Variants in FGF14 observed in about 807,000 individuals in gnomAD.
FGF14 encodes the protein fibroblast growth factor 14, also known as fibroblast growth factor homologous factor 4.
Under a neutral mutation model 25.5 loss-of-function variants are expected in FGF14, and 5 were observed. That is an observed-to-expected ratio of 0.20 (90% confidence interval 0.10 to 0.41). The LOEUF (loss-of-function observed/expected upper bound fraction) is 0.41, where lower values mean the gene tolerates loss of function less well. Ranked by LOEUF, FGF14 falls within the 10% of genes least tolerant of loss-of-function variation. The pLI is 1.00. For missense variants in FGF14, 222 were observed against 320.1 expected, an observed-to-expected ratio of 0.69 and a Z score of 2.34; for synonymous variants, 138 against 118.3, an observed-to-expected ratio of 1.17 and a Z score of -1.08.
chr13:101,731,308 C>T (rs975770467), intron 3 of FGF14, among the ~76,000 whole-genome samples: 1 of 152,084 alleles, frequency 6.6e-6, no homozygotes, highest in Admixed American at 6.6e-5. Flanking sequence ...AAAACGAGAT[C>T]GATAAGGAGT....
intron 1 of FGF14, among the ~76,000 whole-genome samples, chr13:102,273,153 A>C (rs4771423): frequency 0.78 from 118,356 of 151,700 alleles, 47,135 homozygotes; most frequent in African/African-American, 0.95. Flanking sequence ...ATTATTTTGA[A>C]AAAAAGGTAG....
intron 3 of FGF14, among the ~76,000 whole-genome samples, chr13:101,793,647 AC>A (rs1428897811): frequency 1.3e-5 from 2 of 151,932 alleles, no homozygotes; most frequent in Non-Finnish European, 2.9e-5. Context: ...TATTTGAGGA[AC>A]CTCCATACAA....
At chr13:102,035,277 T>C (rs2041415068) in intron 1 of FGF14, among the ~76,000 whole-genome samples, 1 of 152,104 alleles carries the variant, frequency 6.6e-6, no homozygotes, top group African/African-American at 2.4e-5. Flanking sequence ...ATGACTCTCT[T>C]TTTGTATTTA....
At chr13:102,000,331 A>AAAAAC (rs1439440820) in intron 1 of FGF14, among the ~76,000 whole-genome samples, 2 of 151,996 alleles carry the variant, frequency 1.3e-5, no homozygotes, top group African/African-American at 4.8e-5. Flanking sequence ...AAACAAAAAC[A>AAAAAC]AAAAAAATCT....
At chr13:101,857,930 T>G (rs1487824400) in intron 3 of FGF14, among the ~76,000 whole-genome samples, 1 of 152,020 alleles carries the variant, frequency 6.6e-6, no homozygotes, top group Non-Finnish European at 1.5e-5. Flanking sequence ...ATTTTGCCAA[T>G]TTTTAGTATA....
At chr13:102,000,984 A>T (rs1159508558) in intron 1 of FGF14, among the ~76,000 whole-genome samples, 5 of 152,198 alleles carry the variant, frequency 3.3e-5, no homozygotes. Context: ...AGACTAGAAC[A>T]AAAGTTCAAG....
chr13:102,161,569 G>GTC (rs372861912), intron 1 of FGF14, among the ~76,000 whole-genome samples: 404 of 18,118 alleles, frequency 0.022, no homozygotes, highest in African/African-American at 0.2. Context: ...TTTCTGTGAA[G>GTC]AAAGAAAGAA....
chr13:102,250,606 T>C (rs988454537), intron 1 of FGF14, among the ~76,000 whole-genome samples: 1 of 152,200 alleles, frequency 6.6e-6, no homozygotes, highest in Admixed American at 6.6e-5. Flanking sequence ...CGGTGCATTT[T>C]GCTATATTAA....
chr13:102,130,233 T>G (rs1447443882), intron 1 of FGF14, among the ~76,000 whole-genome samples: 1 of 152,062 alleles, frequency 6.6e-6, no homozygotes, highest in Admixed American at 6.6e-5. Context: ...ACTGGCAAAG[T>G]GGAGGTAAAT....
At chr13:102,401,976 G>T (rs1270684961), upstream of FGF14, among the ~76,000 whole-genome samples, 1 of 148,546 alleles carries the variant, frequency 6.7e-6, no homozygotes, top group Admixed American at 6.8e-5. Flanking sequence ...AGGATGGGTG[G>T]ATCTGCAGAA....
intron 1 of FGF14, among the ~76,000 whole-genome samples, chr13:102,131,577 G>C (rs1255063412): frequency 3.9e-5 from 6 of 152,068 alleles, no homozygotes; most frequent in African/African-American, 1.4e-4. Flanking sequence ...TTTTCTCTAA[G>C]CCATTTCAAT....
rs1228393774 is a variant in FGF14, at chr13:102,300,928, C to CACACAG, written c.208+100542_208+100543insCTGTGT. On this transcript the variant is annotated intron_variant, in intron 1 of 4. Coordinates refer to the FGF14 transcript ENST00000376131. The stretch of plus-strand genomic sequence containing the variant: ...TTACCAATATGCACACAGACACACA[C>CACACAG]ACACACACATACACACACACACACA... 1.8e-4 allele frequency among the ~76,000 whole-genome samples: 15 copies of CACACAG among 83,658 alleles called. No homozygotes were observed. In the Admixed American group the frequency reaches 2.1e-3, roughly 12 times the overall value. The allele number at this position is 83,658 out of a possible 152,430, so 54.9% of individuals were successfully genotyped here.
chr13:102,239,764 C>G (rs763588281), intron 1 of FGF14, among the ~76,000 whole-genome samples: 9 of 152,090 alleles, frequency 5.9e-5, no homozygotes, highest in Non-Finnish European at 1.0e-4. Flanking sequence ...TTACTGCAAC[C>G]CTTCTGATAT....
chr13:101,731,221 A>C (rs1438630893), intron 3 of FGF14, among the ~76,000 whole-genome samples: 1 of 152,238 alleles, frequency 6.6e-6, no homozygotes, highest in East Asian at 1.9e-4. Context: ...CCAGTGAAAC[A>C]CTCTCTAAAA....
intron 1 of FGF14, among the ~76,000 whole-genome samples, chr13:102,330,379 C>T (rs2056596546): frequency 6.6e-6 from 1 of 152,112 alleles, no homozygotes; most frequent in Non-Finnish European, 1.5e-5. Flanking sequence ...TGGATCCCAT[C>T]CCATCTCACC....
At chr13:101,934,256 G>A (rs762508008) in intron 1 of FGF14, among the ~76,000 whole-genome samples, 5 of 152,132 alleles carry the variant, frequency 3.3e-5, no homozygotes, top group Non-Finnish European at 5.9e-5. Flanking sequence ...TGGTATATTC[G>A]TACATTTTAG....
intron 1 of FGF14, among the ~76,000 whole-genome samples, chr13:102,034,384 A>G (rs2041367680): frequency 6.6e-6 from 1 of 152,146 alleles, no homozygotes; most frequent in Non-Finnish European, 1.5e-5. Flanking sequence ...GTATAAATAG[A>G]TGACTTCTTC....
At chr13:102,149,925 C>G (rs956970181) in intron 1 of FGF14, among the ~76,000 whole-genome samples, 1 of 152,168 alleles carries the variant, frequency 6.6e-6, no homozygotes, top group East Asian at 1.9e-4. Flanking sequence ...TATGACAGCA[C>G]AGTTTTTATT....
chr13:102,191,926 AG>A (rs1448433290), intron 1 of FGF14, among the ~76,000 whole-genome samples: 1 of 152,246 alleles, frequency 6.6e-6, no homozygotes, highest in Non-Finnish European at 1.5e-5. Context: ...AAGGAGAGAC[AG>A]GCCACAAGAA....
Sources: gnomAD v4.1 joint callset for allele counts (sites outside exome capture counted in the v4.1 genomes callset) on GRCh38, gnomAD v4.1.1 for gene constraint, MANE v1.5 for transcripts, NCBI Gene and HGNC (gene_info 2026-07-23, HGNC 2026-07-21) for gene names.